The following PDE6A variants were observed in gnomAD, a reference collection of about 807,000 sequenced individuals.
PDE6A encodes phosphodiesterase 6A, also known as rod cGMP-specific 3',5'-cyclic phosphodiesterase subunit alpha.
PDE6A carries 84 observed loss-of-function variants against 106.3 expected under a neutral mutation model. The observed-to-expected ratio is 0.79, with a 90% CI of 0.66 to 0.95. The LOEUF is 0.95. Among genes scored for constraint, PDE6A ranks in the 40% least tolerant of loss-of-function variants. The probability of loss-of-function intolerance (pLI) is 0.00; values close to 1 mark genes in which losing one functional copy is unlikely to be tolerated. For synonymous variants in PDE6A, 394 were observed against 386.6 expected (o/e 1.02, Z -0.23); for missense variants, 1,052 against 1,084.9 (o/e 0.97, Z 0.43).
chr5:149,886,987 G>A (rs1044183968), intron 13 of PDE6A, among the ~76,000 whole-genome samples: 8 of 152,156 alleles, frequency 5.3e-5, no homozygotes, highest in African/African-American at 1.4e-4. Flanking sequence ...TCCTGCTTCC[G>A]GGCCCTAGCA....
intron 19 of PDE6A, 49 bp downstream of exon 19, chr5:149,867,676 G>T: frequency 6.6e-7 from 1 of 1,513,158 alleles, no homozygotes; most frequent in Non-Finnish European, 9.2e-7. Context: ...TCTAGGTCAG[G>T]ATGGAGCACA....
intron 3 of PDE6A, chr5:149,932,738 G>A: frequency 1.5e-6 from 2 of 1,312,854 alleles, no homozygotes; most frequent in Non-Finnish European, 2.2e-6. Context: ...TTGCTGTTTG[G>A]CACTGTCGGC....
At chr5:149,943,777 T>C (rs528214758) in intron 1 of PDE6A, among the ~76,000 whole-genome samples, 2 of 150,094 alleles carry the variant, frequency 1.3e-5, no homozygotes, top group South Asian at 4.2e-4. Flanking sequence ...GGAGGTACTG[T>C]GGAAGTACTG....
Position 149,914,530 on chromosome 5 carries a change from C to T in PDE6A, c.998+413G>A, listed in dbSNP as rs1436534679. ...GTGATAACGTTCCACTTCACCAAAT[C>T]TAAACTAAGTTGTTTTCTGATCCTC... On this transcript the variant is annotated intron_variant, in intron 6 of 21. Transcript: ENST00000255266. 3.9e-5 allele frequency among the ~76,000 whole-genome samples: 6 copies of T among 152,132 alleles called. No individual in the cohort carries two copies. The South Asian group carries it at 1.0e-3, about 26-fold the overall frequency.
chr5:149,900,313 G>T (rs953133299), intron 8 of PDE6A, among the ~76,000 whole-genome samples: 1 of 148,634 alleles, frequency 6.7e-6, no homozygotes, highest in Non-Finnish European at 1.5e-5. Flanking sequence ...AGTGAGCTGA[G>T]ATCGTGCCAC....
At chr5:149,920,940 GA>G (rs144739768) in intron 5 of PDE6A, among the ~76,000 whole-genome samples, 2,150 of 37,402 alleles carry the variant, frequency 0.057, 67 homozygotes, top group African/African-American at 0.12. Context: ...GAGAAAGAGA[GA>G]AAAAGAAAGA....
chr5:149,904,273 G>T (rs1243027912), intron 7 of PDE6A, among the ~76,000 whole-genome samples: 1 of 152,144 alleles, frequency 6.6e-6, no homozygotes, highest in African/African-American at 2.4e-5. Flanking sequence ...CTACATTTGG[G>T]TTCTGTTTTG....
chr5:149,886,173 A>G lies in PDE6A; in HGVS notation c.1838+92T>C. Reference sequence around the variant, plus strand: ...GCGGTGGGAAGCTGTGGACCACAAGACTTCCCTGTTGGCCAGTGAGTCTGC... The same window carrying G: ...GCGGTGGGAAGCTGTGGACCACAAGGCTTCCCTGTTGGCCAGTGAGTCTGC... On this transcript the variant is annotated intron_variant, in intron 14 of 21. Transcript: ENST00000255266. The G allele has an allele frequency of 1.5e-5, 14 of 934,122 alleles. No individual in the cohort carries two copies. In the South Asian group the frequency reaches 1.9e-4, roughly 13 times the overall value. 57.9% of individuals were successfully genotyped at this position (934,122 alleles called of 1,614,324 possible).
chr5:149,910,874 C>CTTTTTTTTTTT lies in PDE6A; in HGVS notation c.999-3507_999-3497dup, dbSNP rs386405293. Among the ~76,000 whole-genome samples, 14 of 87,138 alleles carry CTTTTTTTTTTT rather than the reference C, an allele frequency of 1.6e-4. 1 individual carries two copies. The highest frequency in any genetic ancestry group is 3.2e-4 in the Admixed American group (2 of 6,218). 57.2% of individuals were successfully genotyped at this position (87,138 alleles called of 152,430 possible). A position where few individuals can be genotyped will look rare whatever the true frequency, so the allele number is the denominator to read the frequency against. ...TTCCAAACAAGCCAGTTTCTTTTTC[C>CTTTTTTTTTTT]TTTTTTTTTTTTTTTTTTTTTTTGA... is the stretch of plus-strand genomic sequence containing the variant. On this transcript the variant is annotated intron_variant, in intron 6 of 21. Transcript: ENST00000255266.
chr5:149,878,103 G>A (rs1340195959), intron 17 of PDE6A, among the ~76,000 whole-genome samples: 1 of 152,212 alleles, frequency 6.6e-6, no homozygotes, highest in Non-Finnish European at 1.5e-5. Flanking sequence ...GGAAGAATGA[G>A]AGAATGCTGT....
Position 149,903,695 on chromosome 5 carries a change from T to C in PDE6A, c.1066A>G (p.Ile356Val). The C allele has an allele frequency of 6.2e-7, 1 of 1,613,502 alleles. No homozygotes were observed. Among genetic ancestry groups the C allele is most frequent in the South Asian group, 1.1e-5 (1 of 91,072 alleles). Residue 356 changes from isoleucine to valine, a missense_variant and splice_region_variant, in exon 8 of 22, where the codon ATT (isoleucine) becomes GTT (valine). Transcript: ENST00000255266. ...LPAYVAQNGLICNIMNAPAED... is the reference protein window; with the variant it reads ...LPAYVAQNGLVCNIMNAPAED... The stretch of plus-strand genomic sequence containing the variant: ...GCAGGCGCATTCATGATGTTGCAAA[T>C]CTGAGAGCAGTGAAGGGGAATAATG...
chr5:149,870,953 G>GAAAAGAAAAGAAAAGAAAA (rs1760526471), intron 17 of PDE6A, among the ~76,000 whole-genome samples: 2 of 151,438 alleles, frequency 1.3e-5, no homozygotes, highest in African/African-American at 4.9e-5. Context: ...GAAGAGAAAA[G>GAAAAGAAAAGAAAAGAAAA]AAAAGAAAAG....
At chr5:149,918,921 C>A (rs1247256564) in intron 5 of PDE6A, among the ~76,000 whole-genome samples, 8 of 152,254 alleles carry the variant, frequency 5.3e-5, no homozygotes, top group African/African-American at 1.7e-4. Flanking sequence ...CTGCACCTGG[C>A]ACAACAAACT....
At chr5:149,903,079 G>A (rs1440450778) in intron 8 of PDE6A, among the ~76,000 whole-genome samples, 1 of 143,020 alleles carries the variant, frequency 7.0e-6, no homozygotes, top group Non-Finnish European at 1.5e-5. Context: ...AACCCACGAG[G>A]TTGAGGCTGC....
chr5:149,916,784 C>T (rs1434646760), intron 5 of PDE6A, among the ~76,000 whole-genome samples: 1 of 152,170 alleles, frequency 6.6e-6, no homozygotes, highest in Admixed American at 6.5e-5. Flanking sequence ...AGACAGTGAA[C>T]CAAAATCAGA....
chr5:149,911,246 G>A (rs1004067454), intron 6 of PDE6A, among the ~76,000 whole-genome samples: 1 of 152,096 alleles, frequency 6.6e-6, no homozygotes, highest in African/African-American at 2.4e-5. Context: ...CACACACAAA[G>A]GTAGCCTGAA....
chr5:149,906,540 C>CAAAAAAAAAAAAAAAAAAAA (rs1753197035), intron 7 of PDE6A, among the ~76,000 whole-genome samples: 1 of 41,522 alleles, frequency 2.4e-5, no homozygotes, highest in African/African-American at 8.0e-5. Flanking sequence ...AAAAAAAAAT[C>CAAAAAAAAAAAAAAAAAAAA]CCACCTTTTA....
chr5:149,937,509 C>T (rs1274351656), intron 1 of PDE6A, among the ~76,000 whole-genome samples: 2 of 152,148 alleles, frequency 1.3e-5, no homozygotes, highest in Non-Finnish European at 2.9e-5. Context: ...TCCAGAGAAT[C>T]TGAAACAACA....
At chr5:149,884,372 A>ATG in intron 16 of PDE6A, 107 bp downstream of exon 16, 2 of 722,818 alleles carry the variant, frequency 2.8e-6, no homozygotes, top group East Asian at 2.7e-5. Context: ...ATATGTATAT[A>ATG]TGTGTGTATA....
Sources: gnomAD v4.1 joint callset for allele counts (sites outside exome capture counted in the v4.1 genomes callset) on GRCh38, gnomAD v4.1.1 for gene constraint, MANE v1.5 for transcripts, NCBI Gene and HGNC (gene_info 2026-07-23, HGNC 2026-07-21) for gene names.